The following STS variants were observed in gnomAD, a reference collection of about 807,000 sequenced individuals.
STS encodes the protein steroid sulfatase.
Under a neutral mutation model 26.8 loss-of-function variants are expected in STS, and 7 were observed. The observed-to-expected ratio is 0.26, with a 90% confidence interval of 0.15 to 0.49. The LOEUF is 0.49. Among genes scored for constraint, STS ranks in the 20% least tolerant of loss-of-function variants. STS has a pLI of 0.98. For synonymous variants in STS, 199 were observed against 189.4 expected, an observed-to-expected ratio of 1.05 and a Z score of -0.42; for missense variants, 434 against 465.6, an observed-to-expected ratio of 0.93 and a Z score of 0.63.
chrX:7,272,871 G>T (rs1376028903), intron 6 of STS, among the ~76,000 whole-genome samples: 1 of 111,622 alleles, frequency 9.0e-6, no homozygotes, highest in Non-Finnish European at 1.9e-5. Flanking sequence ...TCCGGGCTGG[G>T]TGCAGTGGCT....
chrX:7,238,199 TAGA>T (rs1922420576), intron 2 of STS, among the ~76,000 whole-genome samples: 1 of 104,138 alleles, frequency 9.6e-6, no homozygotes, highest in Non-Finnish European at 2.0e-5. Context: ...GATAGATAGA[TAGA>T]TAGATAGATA....
chrX:7,349,147 T>A (rs1279253793), intron 10 of STS, among the ~76,000 whole-genome samples: 2 of 89,221 alleles, frequency 2.2e-5, no homozygotes, highest in African/African-American at 4.2e-5. Flanking sequence ...ACACCCAGCT[T>A]TTTTTTTTTT....
At position 7,351,719 on chromosome X, in the gene STS, A is replaced by G. The variant is rs1210941503; in HGVS notation, c.*1458A>G. The G allele has an allele frequency of 1.8e-5, 2 of 110,896 alleles. No individual in the cohort carries two copies. The highest frequency in any genetic ancestry group is 3.3e-5 in the African/African-American group (1 of 30,441). The allele number at this position is 110,896 out of a possible 1,213,427, so 9.1% of individuals were successfully genotyped here. The stretch of plus-strand genomic sequence containing the variant: ...CTCAATTCCAAGACAGTGCCCATGA[A>G]TGGGACACCTGTAATGTAACCCACA... On this transcript the variant is annotated 3_prime_UTR_variant, in exon 11 of 11. Transcript: ENST00000674429.
intron 7 of STS, among the ~76,000 whole-genome samples, chrX:7,297,291 C>T (rs1729303524): frequency 1.9e-5 from 2 of 107,849 alleles, no homozygotes; most frequent in Admixed American, 1.0e-4. Flanking sequence ...CTCAGATCCC[C>T]ACTCTAGGTT....
At chrX:7,157,616 C>T (rs1002251059) in intron 1 of STS, among the ~76,000 whole-genome samples, 5 of 111,628 alleles carry the variant, frequency 4.5e-5, no homozygotes, top group African/African-American at 1.6e-4. Context: ...CTCAAAATTG[C>T]CAAAAAGGAT....
chrX:7,265,754 C>T (rs1923975737), intron 6 of STS, among the ~76,000 whole-genome samples: 1 of 112,099 alleles, frequency 8.9e-6, no homozygotes, highest in African/African-American at 3.2e-5. Context: ...TCACAAACAG[C>T]TTCTTACATA....
rs757446143 is a variant in STS, at chrX:7,334,063, A to T, written c.1319A>T (p.Tyr440Phe). ...QRSDHEFLFH[Y>F]CNAYLNAVRW... ...TCCGATCATGAGTTTCTCTTCCATT[A>T]CTGCAACGCCTACTTAAATGCTGTG... is the stretch of plus-strand genomic sequence containing the variant. The change falls in exon 10 of 11, where the codon TAC becomes TTC. Residue 440 changes from tyrosine to phenylalanine, a missense_variant. Transcript: ENST00000674429. The T allele has an allele frequency of 5.0e-6, 6 of 1,211,363 alleles. No homozygotes were observed. The highest frequency in any genetic ancestry group is 5.6e-6 in the Non-Finnish European group (5 of 895,322).
At position 7,351,452 on chromosome X, in the gene STS, G is replaced by A. The variant is rs989975018; in HGVS notation, c.*1191G>A. The A allele has an allele frequency of 4.5e-5, 5 of 111,673 alleles. No homozygotes were observed. Among genetic ancestry groups the A allele is most frequent in the East Asian group, 2.8e-4 (1 of 3,542 alleles). The allele number at this position is 111,673 out of a possible 1,213,427, so 9.2% of individuals were successfully genotyped here. On this transcript the variant is annotated 3_prime_UTR_variant, in exon 11 of 11. Coordinates refer to ENST00000674429, the MANE Select transcript of STS (RefSeq NM_001320752.2). ...AATCAGGGAAAATGCGCAACTGATC[G>A]CCTAGGAGAGGGCCTCGTAGTGGCA...
chrX:7,338,752 A>G (rs1308975895), intron 10 of STS, among the ~76,000 whole-genome samples: 1 of 112,392 alleles, frequency 8.9e-6, no homozygotes, highest in Non-Finnish European at 1.9e-5. Flanking sequence ...ATTCTCTTCT[A>G]GCTATTGTGA....
chrX:7,307,882 G>A (rs1926292431), intron 8 of STS, among the ~76,000 whole-genome samples: 1 of 112,168 alleles, frequency 8.9e-6, no homozygotes, highest in Admixed American at 9.5e-5. Flanking sequence ...AAACAACTAT[G>A]GGACATATGT....
intron 7 of STS, among the ~76,000 whole-genome samples, chrX:7,281,715 G>A (rs1238644561): frequency 8.9e-6 from 1 of 112,005 alleles, no homozygotes; most frequent in Non-Finnish European, 1.9e-5. Context: ...CATAGGTATT[G>A]GTCTAAGCCC....
intron 2 of STS, among the ~76,000 whole-genome samples, chrX:7,245,544 T>A (rs188122848): frequency 8.9e-6 from 1 of 112,512 alleles, no homozygotes; most frequent in African/African-American, 3.2e-5. Flanking sequence ...TCATTATTTA[T>A]TCATTTGCCT....
intron 6 of STS, among the ~76,000 whole-genome samples, chrX:7,273,673 T>C (rs1434817674): frequency 1.8e-5 from 2 of 111,752 alleles, no homozygotes; most frequent in Non-Finnish European, 3.8e-5. Flanking sequence ...ACATACTTTG[T>C]TGAACCTAAG....
At chrX:7,172,155 G>T (rs1933480617) in intron 1 of STS, among the ~76,000 whole-genome samples, 1 of 111,492 alleles carries the variant, frequency 9.0e-6, no homozygotes, top group African/African-American at 3.3e-5. Flanking sequence ...CACAGGTCAT[G>T]TGAATTTTGG....
intron 2 of STS, among the ~76,000 whole-genome samples, chrX:7,205,319 G>C (rs1220959379): frequency 8.9e-6 from 1 of 111,904 alleles, no homozygotes; most frequent in Non-Finnish European, 1.9e-5. Flanking sequence ...ACGTTTTGTT[G>C]TTCCCCCCAA....
chrX:7,277,741 T>C (rs778107087), intron 7 of STS, among the ~76,000 whole-genome samples: 16 of 112,420 alleles, frequency 1.4e-4, no homozygotes, highest in Admixed American at 1.3e-3. Flanking sequence ...TCTAACAAGA[T>C]TTATAAGAAG....
intron 9 of STS, among the ~76,000 whole-genome samples, chrX:7,326,883 C>CCT (rs1927502707): frequency 9.0e-6 from 1 of 111,624 alleles, no homozygotes; most frequent in African/African-American, 3.3e-5. Flanking sequence ...TTACTGGTTT[C>CCT]AACTCTGCTT....
intron 1 of STS, among the ~76,000 whole-genome samples, chrX:7,173,576 A>G (rs1457256127): frequency 8.9e-6 from 1 of 112,103 alleles, no homozygotes; most frequent in Non-Finnish European, 1.9e-5. Context: ...AAGTGTTCCT[A>G]CATCTCCGCA....
At chrX:7,324,441 A>C (rs1273720626) in intron 8 of STS, among the ~76,000 whole-genome samples, 2 of 111,882 alleles carry the variant, frequency 1.8e-5, no homozygotes, top group African/African-American at 3.3e-5. Flanking sequence ...AAGACCCCAA[A>C]AGAGAAGGAG....
Sources: gnomAD v4.1 joint callset for allele counts (sites outside exome capture counted in the v4.1 genomes callset) on GRCh38, gnomAD v4.1.1 for gene constraint, MANE v1.5 for transcripts, NCBI Gene and HGNC (gene_info 2026-07-23, HGNC 2026-07-21) for gene names.